The following ASAH2 variants were observed in gnomAD, a reference collection of about 807,000 sequenced individuals.
The protein encoded by ASAH2 is N-acylsphingosine amidohydrolase 2.
ASAH2 carries 58 observed loss-of-function variants against 82.9 expected under a neutral mutation model. The observed-to-expected ratio is 0.70, with a 90% CI of 0.57 to 0.87. The LOEUF is 0.87. ASAH2 is among the 40% of genes least tolerant of loss of function. The pLI is 0.00. For missense variants in ASAH2, 779 were observed against 834.0 expected (o/e 0.93, Z 0.81); for synonymous variants, 276 against 289.7 (o/e 0.95, Z 0.48).
intron 14 of ASAH2, 148 bp from the exon 15 acceptor site, chr10:50,203,827 C>T: frequency 4.1e-6 from 3 of 727,744 alleles, no homozygotes; most frequent in East Asian, 2.5e-5. Context: ...AAAAGCTAAA[C>T]TTGAACTTTT....
chr10:50,218,065 A>T (rs1845652644), intron 8 of ASAH2, among the ~76,000 whole-genome samples: 1 of 152,220 alleles, frequency 6.6e-6, no homozygotes, highest in African/African-American at 2.4e-5. Flanking sequence ...CAGAGGTTTC[A>T]ATGAGCTGAG....
chr10:50,222,784 G>C (rs1359298054), intron 7 of ASAH2, among the ~76,000 whole-genome samples: 4 of 152,118 alleles, frequency 2.6e-5, no homozygotes, highest in African/African-American at 9.7e-5. Context: ...TATAGTTATG[G>C]ATGAATATTT....
Position 50,213,041 on chromosome 10 carries a change from AGCAAT to A in ASAH2, c.1153_1157del (p.Ile385Ter). 2 of 1,613,634 alleles carry A rather than the reference AGCAAT, an allele frequency of 1.2e-6. No individual in the cohort carries two copies. The highest frequency in any genetic ancestry group is 2.2e-5 in the South Asian group (2 of 91,072). Reference sequence around the variant, plus strand: ...CAAACATATCCTGTCCAGGTCCCTTAGCAATGCACATGCTAGGCTGGAACAAAATA... The same window carrying A: ...CAAACATATCCTGTCCAGGTCCCTTAGCACATGCTAGGCTGGAACAAAATA... On this transcript the variant is annotated frameshift_variant, in exon 10 of 21. Coordinates refer to ENST00000682911, the MANE Select transcript of ASAH2 (RefSeq NM_019893.4). LOFTEE classifies it high-confidence loss of function.
At chr10:50,250,739 A>G (rs1846593096) in intron 1 of ASAH2, among the ~76,000 whole-genome samples, 1 of 152,218 alleles carries the variant, frequency 6.6e-6, no homozygotes, top group Admixed American at 6.5e-5. Flanking sequence ...AAGCCTGTGT[A>G]TCAAACAGAG....
intron 1 of ASAH2, among the ~76,000 whole-genome samples, chr10:50,251,189 G>A (rs1846603866): frequency 6.6e-6 from 1 of 152,318 alleles, no homozygotes; most frequent in Admixed American, 6.5e-5. Flanking sequence ...GGCTCTCATG[G>A]CACAATAGCA....
rs140528244 is a variant in ASAH2 at position 50,249,002 on chromosome 10, G to C, written c.-36-356C>G. On this transcript the variant is annotated intron_variant, in intron 1 of 20. Transcript: ENST00000682911. ...ATGCTGTTTATGGATCTGTACATGG[G>C]TCTGGGCTGAGAGTGCCTCTGTTAA... Among the ~76,000 whole-genome samples the C allele has an allele frequency of 1.3e-4, 20 of 152,278 alleles. No individual in the cohort carries two copies. In the East Asian group the frequency reaches 2.7e-3, roughly 21 times the overall value.
At chr10:50,205,061 G>T in intron 13 of ASAH2, 106 bp from the exon 14 acceptor site, 5 of 733,642 alleles carry the variant, frequency 6.8e-6, no homozygotes, top group Non-Finnish European at 1.1e-5. Flanking sequence ...TTATGATGTA[G>T]TATTAAATAT....
At chr10:50,211,188 C>T in intron 10 of ASAH2, 54 bp from the exon 11 acceptor site, 1 of 1,206,934 alleles carries the variant, frequency 8.3e-7, no homozygotes, top group Non-Finnish European at 1.2e-6. Context: ...GTGATCATCT[C>T]CAACTGTACT....
intron 4 of ASAH2, among the ~76,000 whole-genome samples, chr10:50,242,337 A>G (rs1846323707): frequency 1.3e-5 from 2 of 152,172 alleles, no homozygotes; most frequent in Admixed American, 6.5e-5. Flanking sequence ...AGGCCATCTC[A>G]TTATCCCTCT....
chr10:50,212,892 C>T (rs1845495838), intron 10 of ASAH2, 80 bp downstream of exon 10: 2 of 1,369,792 alleles, frequency 1.5e-6, no homozygotes, highest in Admixed American at 1.7e-5. Flanking sequence ...TTTAAGTATT[C>T]AACTTCCTAA....
chr10:50,199,244 C>T (rs1247695202), intron 16 of ASAH2, 98 bp from the exon 17 acceptor site: 2 of 1,201,886 alleles, frequency 1.7e-6, no homozygotes, highest in Non-Finnish European at 2.5e-6. Context: ...TGACATCTCA[C>T]ATTATTCAAA....
At position 50,187,431 on chromosome 10, in the gene ASAH2, G is replaced by A; in HGVS notation, c.2227C>T (p.Pro743Ser). The change falls in exon 21 of 21, where the codon CCT becomes TCT. Residue 743 changes from proline (P) to serine (S), a missense_variant. Physicochemically the swap from Pro to Ser is moderately conservative, Grantham distance 74. Around this residue, in one of 3 missense-constraint regions of ASAH2, gnomAD observed 14 missense variants for 16.2 expected, o/e 0.87. Transcript: ENST00000682911. ...VEWHIPDTAQ[P>S]GIYRIRYFGH... is the part of the protein sequence containing the mutation. ...AAATATCTTATTCTGTAGATTCCAGGCTGGGCAGTGTCTGGAATATGCCAT... is the reference window on the plus strand; with the variant it reads ...AAATATCTTATTCTGTAGATTCCAGACTGGGCAGTGTCTGGAATATGCCAT... 1 of 332,402 alleles carries A rather than the reference G, an allele frequency of 3.0e-6. No homozygotes were observed. The allele number at this position is 332,402 out of a possible 1,614,324, so 20.6% of individuals were successfully genotyped here.
Position 50,202,855 on chromosome 10 carries a change from A to T in ASAH2, c.1735T>A (p.Tyr579Asn). 1.9e-6 allele frequency: 3 copies of T among 1,610,966 alleles called. No homozygotes were observed. The South Asian group carries it at 3.3e-5, about 18-fold the overall frequency. The change falls in exon 16 of 21, where the codon TAC (tyrosine) becomes AAC (asparagine). Residue 579 changes from tyrosine (Y) to asparagine (N), a missense_variant. Tyr to Asn is a moderately radical substitution (Grantham distance 143). Around this residue, in one of 3 missense-constraint regions of ASAH2, gnomAD observed 759 missense variants for 755.2 expected, o/e 1.00. Transcript: ENST00000682911. ...TGGTATTCTTCATAAGTGGTAATGT[A>T]ATGTGTATAGACGTTGCATAGACCT... ...ISGLCNVYTH[Y>N]ITTYEEYQAQ...
At chr10:50,234,398 G>T in intron 6 of ASAH2, 27 bp downstream of exon 6, 1 of 1,612,590 alleles carries the variant, frequency 6.2e-7, no homozygotes, top group South Asian at 1.1e-5. Context: ...GGAATGAAAC[G>T]ATTTCATTTT....
At chr10:50,245,486 A>T (rs1846430638) in intron 2 of ASAH2, 32 bp from the exon 3 acceptor site, 1 of 1,566,970 alleles carries the variant, frequency 6.4e-7, no homozygotes, top group Non-Finnish European at 8.7e-7. Flanking sequence ...GAGAAACAAC[A>T]TTTCAGCCCT....
At chr10:50,204,394 A>T (rs1020727465) in intron 14 of ASAH2, among the ~76,000 whole-genome samples, 158 of 152,142 alleles carry the variant, frequency 1.0e-3, no homozygotes, top group African/African-American at 3.7e-3. Flanking sequence ...TGAAGAATTT[A>T]AAGAGGAAGA....
intron 4 of ASAH2, among the ~76,000 whole-genome samples, chr10:50,240,310 A>T (rs1846263295): frequency 6.6e-6 from 1 of 152,198 alleles, no homozygotes; most frequent in African/African-American, 2.4e-5. Flanking sequence ...AACATCTTGT[A>T]AAACTCCCCT....
chr10:50,244,320 C>T lies in ASAH2; in HGVS notation c.360+902G>A, dbSNP rs577565708. 2.6e-5 allele frequency among the ~76,000 whole-genome samples: 4 copies of T among 152,298 alleles called. No individual in the cohort carries two copies. In the South Asian group the frequency reaches 8.3e-4, roughly 32 times the overall value. ...CTTAAACCAAATCAGATCACATACACCTATCCCAAGCCACTTCTCTCACCA... is the reference window on the plus strand; with the variant it reads ...CTTAAACCAAATCAGATCACATACATCTATCCCAAGCCACTTCTCTCACCA... On this transcript the variant is annotated intron_variant, in intron 3 of 20. Coordinates refer to ENST00000682911, the MANE Select transcript of ASAH2 (RefSeq NM_019893.4).
intron 10 of ASAH2, among the ~76,000 whole-genome samples, 186 bp from the exon 11 acceptor site, chr10:50,211,320 CAAAAGCTTGAAGTCTCCG>C (rs1845448630): frequency 6.6e-6 from 1 of 152,092 alleles, no homozygotes; most frequent in African/African-American, 2.4e-5. Flanking sequence ...AGGAGTTTCC[CAAAAGCTTGAAGTCTCCG>C]AGGCTGTTGA....
Sources: allele counts gnomAD v4.1 joint callset (sites outside exome capture counted in the v4.1 genomes callset), GRCh38; gene constraint gnomAD v4.1.1; regional missense constraint gnomAD v4.1.1; transcripts MANE v1.5; gene names NCBI Gene and HGNC (gene_info 2026-07-23, HGNC 2026-07-21).